ISM1: variants seen among roughly 807,000 people sequenced by gnomAD.
ISM1 encodes isthmin-1.
In ISM1, 25 loss-of-function variants were observed where a neutral mutation model predicts 46.3. The observed-to-expected ratio is 0.54, with a 90% CI of 0.39 to 0.75. The LOEUF is 0.75. ISM1 is among the 30% of genes least tolerant of loss of function. The pLI is 0.00. For synonymous variants in ISM1, 255 were observed against 256.7 expected, an observed-to-expected ratio of 0.99 and a Z score of 0.06; for missense variants, 536 against 625.4, an observed-to-expected ratio of 0.86 and a Z score of 1.52.
the ISM1 span, among the ~76,000 whole-genome samples, chr20:13,324,787 T>C: frequency 6.6e-6 from 1 of 152,102 alleles, no homozygotes. Flanking sequence ...CTAAACAAAT[T>C]ATTAGATATT....
At position 13,299,543 on chromosome 20, in the gene ISM1, C is replaced by A. The variant is rs185285111; in HGVS notation, c.*84C>A. 38 of 1,249,740 alleles carry A rather than the reference C, an allele frequency of 3.0e-5. No individual in the cohort carries two copies. In the East Asian group the frequency reaches 7.9e-4, roughly 26 times the overall value. The allele number at this position is 1,249,740 out of a possible 1,614,324, so 77.4% of individuals were successfully genotyped here. A position where few individuals can be genotyped will look rare whatever the true frequency, so the allele number is the denominator to read the frequency against. On this transcript the variant is annotated 3_prime_UTR_variant, in exon 6 of 6. Coordinates refer to ENST00000262487, the MANE Select transcript of ISM1 (RefSeq NM_080826.2). The surrounding 1 kb of genome is among the most constrained non-coding windows in gnomAD (Gnocchi z 5.8). The stretch of plus-strand genomic sequence containing the variant: ...CTGACGTGCCGACTGGCGCCGAGAC[C>A]TTCATAGCTGCGGTCGTGTATATTT...
downstream of ISM1, among the ~76,000 whole-genome samples, chr20:13,302,607 G>A (rs1195075842): frequency 6.6e-6 from 1 of 152,220 alleles, no homozygotes; most frequent in African/African-American, 2.4e-5. Flanking sequence ...GAATGAGCAA[G>A]GCCACTTCCA....
intron 1 of ISM1, 129 bp from the exon 2 acceptor site, chr20:13,270,375 T>C (rs2040097511): frequency 9.7e-7 from 1 of 1,029,844 alleles, no homozygotes; most frequent in South Asian, 1.7e-5. Flanking sequence ...AAAACAAGTT[T>C]GGAATGCCCT....
At chr20:13,270,089 A>G (rs2040094971) in intron 1 of ISM1, among the ~76,000 whole-genome samples, 1 of 152,220 alleles carries the variant, frequency 6.6e-6, no homozygotes, top group Non-Finnish European at 1.5e-5. Context: ...CTTTTGCTCC[A>G]TAGCCTACAC....
the ISM1 span, among the ~76,000 whole-genome samples, chr20:13,323,347 CAAGA>C: frequency 6.6e-6 from 1 of 152,084 alleles, no homozygotes; most frequent in Non-Finnish European, 1.5e-5. Context: ...CGGAGCAAGG[CAAGA>C]AAGTTGGAAT....
At position 13,294,992 on chromosome 20, in the gene ISM1, G is replaced by C. The variant is rs140539205; in HGVS notation, c.877+2529G>C. Among the ~76,000 whole-genome samples, 7 of 152,202 alleles carry C rather than the reference G, an allele frequency of 4.6e-5. No individual in the cohort carries two copies. In the East Asian group the frequency reaches 9.7e-4, roughly 21 times the overall value. On this transcript the variant is annotated intron_variant, in intron 5 of 5. Transcript: ENST00000262487. The stretch of plus-strand genomic sequence containing the variant: ...TCGCCAGGCCTTTCTGAGTTCATAA[G>C]ACATGCCCAATTTTTCTCTTCCTCG...
At chr20:13,232,874 G>A (rs938341708) in intron 1 of ISM1, among the ~76,000 whole-genome samples, 1 of 152,192 alleles carries the variant, frequency 6.6e-6, no homozygotes, top group Non-Finnish European at 1.5e-5. Flanking sequence ...AAGGAGAGAA[G>A]ATACTGTCTC....
chr20:13,260,270 T>C (rs1294079619), intron 1 of ISM1, among the ~76,000 whole-genome samples: 1 of 152,182 alleles, frequency 6.6e-6, no homozygotes, highest in African/African-American at 2.4e-5. Flanking sequence ...AAATGGGCAT[T>C]ACTAGTTTCT....
intron 1 of ISM1, among the ~76,000 whole-genome samples, chr20:13,236,375 T>A (rs1053980320): frequency 6.6e-6 from 1 of 152,148 alleles, no homozygotes; most frequent in Non-Finnish European, 1.5e-5. Context: ...ATGATTCAAT[T>A]GCCTCCACCT....
At chr20:13,238,047 A>T (rs2123155529) in intron 1 of ISM1, 1 of 152,326 alleles carries the variant, frequency 6.6e-6, no homozygotes, top group East Asian at 1.9e-4. Context: ...TCCTCCTTCA[A>T]AGCTCAATTG....
intron 1 of ISM1, among the ~76,000 whole-genome samples, chr20:13,252,013 A>T (rs773964778): frequency 6.6e-6 from 1 of 152,158 alleles, no homozygotes; most frequent in Non-Finnish European, 1.5e-5. Flanking sequence ...TGCTGGAGGA[A>T]AGCAAAGCTC....
chr20:13,261,445 A>C (rs2039988781), intron 1 of ISM1, among the ~76,000 whole-genome samples: 1 of 152,044 alleles, frequency 6.6e-6, no homozygotes, highest in Non-Finnish European at 1.5e-5. Flanking sequence ...AAAAAGAAAA[A>C]AGAAGCTCAA....
chr20:13,249,516 A>G (rs1423186585), intron 1 of ISM1, among the ~76,000 whole-genome samples: 1 of 152,210 alleles, frequency 6.6e-6, no homozygotes, highest in East Asian at 1.9e-4. Context: ...TTTTGGCCCA[A>G]AGGAAACATT....
intron 1 of ISM1, among the ~76,000 whole-genome samples, chr20:13,269,736 ATCT>A (rs768954362): frequency 1.2e-4 from 19 of 152,006 alleles, no homozygotes; most frequent in Non-Finnish European, 2.2e-4. Flanking sequence ...ACTCTCCATC[ATCT>A]TCTTTCTTTT....
At chr20:13,260,846 C>T (rs2039981275) in intron 1 of ISM1, among the ~76,000 whole-genome samples, 1 of 152,200 alleles carries the variant, frequency 6.6e-6, no homozygotes, top group Non-Finnish European at 1.5e-5. Flanking sequence ...TCTCATGACT[C>T]TCTGGGTCAG....
intron 1 of ISM1, chr20:13,244,456 C>T (rs1314542065): frequency 6.6e-6 from 1 of 151,472 alleles, no homozygotes; most frequent in Admixed American, 6.6e-5. Context: ...ATTACATGTC[C>T]TCAAGTCCTA....
At chr20:13,274,979 C>T (rs1949038579) in intron 2 of ISM1, among the ~76,000 whole-genome samples, 1 of 152,174 alleles carries the variant, frequency 6.6e-6, no homozygotes, top group South Asian at 2.1e-4. Context: ...GTAAATCCCC[C>T]AGAACAAGTT....
At chr20:13,236,543 CTTAA>C (rs1289246224) in intron 1 of ISM1, among the ~76,000 whole-genome samples, 2 of 152,166 alleles carry the variant, frequency 1.3e-5, no homozygotes, top group African/African-American at 4.8e-5. Context: ...CCCCCAAAGG[CTTAA>C]TTTATTTCAG....
chr20:13,302,146 A>G (rs142532726), downstream of ISM1, among the ~76,000 whole-genome samples: 5 of 152,324 alleles, frequency 3.3e-5, no homozygotes, highest in East Asian at 9.6e-4. Context: ...TGAAATCTCA[A>G]AGAGAACAGA....
Sources: gnomAD v4.1 joint callset for allele counts (sites outside exome capture counted in the v4.1 genomes callset) on GRCh38, gnomAD v4.1.1 for gene constraint, Gnocchi (gnomAD v3.1) non-coding constraint, MANE v1.5 for transcripts, NCBI Gene and HGNC (gene_info 2026-07-23, HGNC 2026-07-21) for gene names.